PDE8B: variants seen among roughly 807,000 people sequenced by gnomAD.
PDE8B encodes phosphodiesterase 8B.
PDE8B carries 26 observed loss-of-function variants against 101.3 expected under a neutral mutation model. The observed-to-expected ratio is 0.26, with a 90% CI of 0.19 to 0.36. The LOEUF (loss-of-function observed/expected upper bound fraction) is 0.36, where lower values mean the gene tolerates loss of function less well. Among genes scored for constraint, PDE8B ranks in the 10% least tolerant of loss-of-function variants. The pLI is 1.00. For missense variants in PDE8B, 810 were observed against 1,163.1 expected (o/e 0.70, Z 4.42); for synonymous variants, 424 against 429.3 (o/e 0.99, Z 0.15).
chr5:77,312,109 T>C lies in PDE8B; in HGVS notation c.399+56T>C, dbSNP rs569676009. ...AGATTATTTTCTTTTTTTTTTCTTT[T>C]TTTTTTTTTTTTGAGATGGAGCCTC... On this transcript the variant is annotated intron_variant, in intron 2 of 21. Transcript: ENST00000264917. 122 of 1,278,224 alleles carry C rather than the reference T, an allele frequency of 9.5e-5. No homozygotes were observed. The African/African-American group carries it at 1.3e-3, about 13-fold the overall frequency. 79.2% of individuals were successfully genotyped at this position (1,278,224 alleles called of 1,614,324 possible). A position where few individuals can be genotyped will look rare whatever the true frequency, so the allele number is the denominator to read the frequency against.
chr5:77,164,982 A>T, the PDE8B span, among the ~76,000 whole-genome samples: 1 of 152,246 alleles, frequency 6.6e-6, no homozygotes, highest in African/African-American at 2.4e-5. Context: ...ATACTGATAC[A>T]TGCTTAACTG....
chr5:77,117,913 T>C, the PDE8B span, among the ~76,000 whole-genome samples: 1 of 152,154 alleles, frequency 6.6e-6, no homozygotes, highest in East Asian at 1.9e-4. Flanking sequence ...GTGGTAGTTC[T>C]TTTTGTTTTT....
chr5:77,309,943 C>CCCCTTTT (rs1772186202), intron 1 of PDE8B, among the ~76,000 whole-genome samples: 1 of 114,152 alleles, frequency 8.8e-6, no homozygotes, highest in African/African-American at 3.3e-5. Flanking sequence ...AATCATTAAT[C>CCCCTTTT]TTTTTTTTTT....
chr5:77,333,881 G>T (rs1371969406), intron 5 of PDE8B, among the ~76,000 whole-genome samples: 2 of 152,246 alleles, frequency 1.3e-5, no homozygotes, highest in Non-Finnish European at 2.9e-5. Context: ...TAAAGCTTTG[G>T]GGGAGGGGCA....
chr5:77,187,170 G>A, the PDE8B span, among the ~76,000 whole-genome samples: 3 of 152,198 alleles, frequency 2.0e-5, no homozygotes, highest in Non-Finnish European at 4.4e-5. Context: ...ACTTCACAAA[G>A]GTTACACTAT....
chr5:77,126,364 G>A, the PDE8B span, among the ~76,000 whole-genome samples: 3 of 152,142 alleles, frequency 2.0e-5, no homozygotes, highest in Admixed American at 6.5e-5. Context: ...TGAGGAGGAT[G>A]ACAAAAATTG....
intron 1 of PDE8B, among the ~76,000 whole-genome samples, chr5:77,269,911 C>G (rs185441061): frequency 0.011 from 1,748 of 152,242 alleles, 30 homozygotes; most frequent in African/African-American, 0.039. Flanking sequence ...AATGGGATTC[C>G]TCCAGTTTTG....
At chr5:77,290,567 A>G (rs1384079739) in intron 1 of PDE8B, 5 of 1,495,554 alleles carry the variant, frequency 3.3e-6, no homozygotes, top group African/African-American at 1.4e-5. Flanking sequence ...TCCAAGTACT[A>G]GGAAGCTTGG....
At chr5:77,260,531 A>T (rs531766952) in intron 1 of PDE8B, among the ~76,000 whole-genome samples, 2 of 152,220 alleles carry the variant, frequency 1.3e-5, no homozygotes, top group East Asian at 3.9e-4. Context: ...TTTCACAATT[A>T]AAAAGTGAGT....
Position 77,211,121 on chromosome 5 carries a change from C to T in PDE8B, c.196C>T (p.Arg66Cys). 6.6e-7 allele frequency: 1 copy of T among 1,504,528 alleles called. No homozygotes were observed. The highest frequency in any genetic ancestry group is 8.8e-7 in the Non-Finnish European group (1 of 1,134,062). 93.2% of individuals were successfully genotyped at this position (1,504,528 alleles called of 1,614,324 possible). ...SRASGPPSVA[R>C]VRRARTELGS... Reference sequence around the variant, plus strand: ...CGCGTCGGGACCCCCCAGCGTAGCCCGCGTCCGCAGGGCCCGCACCGAGCT... The same window carrying T: ...CGCGTCGGGACCCCCCAGCGTAGCCTGCGTCCGCAGGGCCCGCACCGAGCT... Residue 66 changes from arginine (R) to cysteine (C), a missense_variant, in exon 1 of 22, where the codon CGC becomes TGC. Coordinates refer to ENST00000264917, the MANE Select transcript of PDE8B (RefSeq NM_003719.5). This position sits in a 1 kb window ranked among gnomAD's most constrained non-coding sequence, Gnocchi z 4.1.
the PDE8B span, among the ~76,000 whole-genome samples, chr5:77,090,637 C>T: frequency 6.6e-6 from 1 of 152,178 alleles, no homozygotes; most frequent in Admixed American, 6.5e-5. Flanking sequence ...TATATGAGAT[C>T]ATGCAGTATT....
At position 77,415,204 on chromosome 5, in the gene PDE8B, G is replaced by A. The variant is rs369086170; in HGVS notation, c.1911+1895G>A. On this transcript the variant is annotated intron_variant, in intron 17 of 21. Coordinates refer to ENST00000264917, the MANE Select transcript of PDE8B (RefSeq NM_003719.5). Reference sequence around the variant, plus strand: ...TTTGGTTACCTGCCTGTGATCACTGGTGGGTCCATCATGAGGTGCTTCCAG... The same window carrying A: ...TTTGGTTACCTGCCTGTGATCACTGATGGGTCCATCATGAGGTGCTTCCAG... Among the ~76,000 whole-genome samples, 7 of 152,230 alleles carry A rather than the reference G, an allele frequency of 4.6e-5. No individual in the cohort carries two copies. The South Asian group carries it at 1.0e-3, about 23-fold the overall frequency.
At chr5:77,119,328 C>T in the PDE8B span, 3 of 152,160 alleles carry the variant, frequency 2.0e-5, no homozygotes, top group Admixed American at 6.5e-5. Context: ...ATTTGCCCAG[C>T]AGAAATGAAA....
chr5:77,152,842 G>T, the PDE8B span, among the ~76,000 whole-genome samples: 3 of 152,176 alleles, frequency 2.0e-5, no homozygotes, highest in Admixed American at 6.5e-5. Context: ...TAGCATTGAG[G>T]ATGGGAAGGG....
chr5:77,415,664 A>G (rs1795388423), intron 17 of PDE8B, among the ~76,000 whole-genome samples: 1 of 152,096 alleles, frequency 6.6e-6, no homozygotes, highest in Non-Finnish European at 1.5e-5. Flanking sequence ...CAGCCAGGCT[A>G]AAATTCTTAA....
chr5:77,321,341 G>C (rs1178710669), intron 2 of PDE8B, among the ~76,000 whole-genome samples: 1 of 151,900 alleles, frequency 6.6e-6, no homozygotes, highest in Non-Finnish European at 1.5e-5. Context: ...GGTAGAGACA[G>C]GGTTTCTCCA....
At chr5:77,146,852 C>G in the PDE8B span, 15 of 350,370 alleles carry the variant, frequency 4.3e-5, no homozygotes, top group African/African-American at 3.2e-4. Flanking sequence ...GATCCCAATG[C>G]ACCCAAGAGG....
chr5:77,208,955 C>T (rs1348827742), upstream of PDE8B, among the ~76,000 whole-genome samples: 2 of 152,160 alleles, frequency 1.3e-5, no homozygotes, highest in Non-Finnish European at 2.9e-5. Flanking sequence ...CAATTTCTCC[C>T]TCTGCTCAAG....
At chr5:77,316,202 A>T (rs1773735263) in intron 2 of PDE8B, among the ~76,000 whole-genome samples, 1 of 151,948 alleles carries the variant, frequency 6.6e-6, no homozygotes, top group Admixed American at 6.6e-5. Flanking sequence ...ATATAGGTAT[A>T]CTTCTGTTCT....
Sources: gnomAD v4.1 joint callset for allele counts (sites outside exome capture counted in the v4.1 genomes callset) on GRCh38, gnomAD v4.1.1 for gene constraint, Gnocchi (gnomAD v3.1) non-coding constraint, MANE v1.5 for transcripts, NCBI Gene and HGNC (gene_info 2026-07-23, HGNC 2026-07-21) for gene names.